Variants in INVS observed in about 807,000 individuals in gnomAD.
INVS encodes inversin.
A neutral mutation model predicts 108.8 loss-of-function variants in INVS; 86 were observed. The ratio of observed to expected loss-of-function variants is 0.79; its 90% CI spans 0.66 to 0.95. The LOEUF is 0.95. INVS is among the 40% of genes least tolerant of loss of function. INVS has a pLI of 0.00. For synonymous variants in INVS, 455 were observed against 473.5 expected (o/e 0.96, Z 0.51); for missense variants, 1,169 against 1,297.4 (o/e 0.90, Z 1.52).
At chr9:100,284,266 G>C in intron 12 of INVS, 54 bp from the exon 13 acceptor site, 3 of 1,600,362 alleles carry the variant, frequency 1.9e-6, no homozygotes, top group Non-Finnish European at 2.6e-6. Context: ...ACAGAGACTT[G>C]AGGAGGTGAT....
At chr9:100,155,485 C>A (rs757144120) in intron 3 of INVS, among the ~76,000 whole-genome samples, 1 of 152,014 alleles carries the variant, frequency 6.6e-6, no homozygotes, top group South Asian at 2.1e-4. Context: ...TACAGGCACG[C>A]ACCACCATGC....
At chr9:100,173,045 G>A (rs1255509971) in intron 3 of INVS, among the ~76,000 whole-genome samples, 1 of 152,126 alleles carries the variant, frequency 6.6e-6, no homozygotes, top group African/African-American at 2.4e-5. Flanking sequence ...GAAGGATGAA[G>A]ATGATTGAGA....
intron 3 of INVS, among the ~76,000 whole-genome samples, chr9:100,167,710 T>C (rs532175487): frequency 4.6e-5 from 7 of 152,344 alleles, no homozygotes; most frequent in Admixed American, 3.9e-4. Context: ...GGTTTTATTT[T>C]TGGTCTGTTT....
intron 1 of INVS, among the ~76,000 whole-genome samples, chr9:100,101,085 C>T (rs531981997): frequency 1.3e-3 from 164 of 123,360 alleles, no homozygotes; most frequent in African/African-American, 5.1e-3. Context: ...CACACACACA[C>T]ATATATATAA....
intron 3 of INVS, among the ~76,000 whole-genome samples, chr9:100,165,229 A>C (rs57397295): frequency 0.21 from 31,921 of 151,920 alleles, 5,703 homozygotes; most frequent in African/African-American, 0.49. Context: ...CACCTCAAGC[A>C]TTTATCATTT....
chr9:100,162,545 C>T (rs1035755368), intron 3 of INVS, among the ~76,000 whole-genome samples: 4 of 152,136 alleles, frequency 2.6e-5, no homozygotes, highest in African/African-American at 9.7e-5. Flanking sequence ...ATCAAATACC[C>T]GTATCTTGTT....
chr9:100,231,199 A>G (rs988008534), intron 5 of INVS, among the ~76,000 whole-genome samples: 9 of 152,180 alleles, frequency 5.9e-5, no homozygotes, highest in African/African-American at 2.2e-4. Context: ...TGTTTTTAAC[A>G]CACAAATTAG....
rs140990299 is a variant in INVS, at chr9:100,199,657, G to A, written c.274-26405G>A. On this transcript the variant is annotated intron_variant, in intron 3 of 16. Transcript: ENST00000262457. Reference sequence around the variant, plus strand: ...ATTTTATTGTTTTCTGGTAGCCATCGGTTCCGATGAGAAGTACACCATCAT... The same window carrying A: ...ATTTTATTGTTTTCTGGTAGCCATCAGTTCCGATGAGAAGTACACCATCAT... Among the ~76,000 whole-genome samples, 243 of 152,220 alleles carry A rather than the reference G, an allele frequency of 1.6e-3. 4 individuals are homozygous for A. In the East Asian group the frequency reaches 0.038, roughly 24 times the overall value.
At chr9:100,273,106 C>G in intron 12 of INVS, 30 bp downstream of exon 12, 1 of 1,581,596 alleles carries the variant, frequency 6.3e-7, no homozygotes, top group Non-Finnish European at 8.7e-7. Context: ...ATTGCGTTTT[C>G]GCCACCCAGA....
intron 5 of INVS, among the ~76,000 whole-genome samples, chr9:100,235,192 C>CT (rs546186347): frequency 2.1e-4 from 31 of 146,564 alleles, no homozygotes; most frequent in Admixed American, 3.4e-4. Flanking sequence ...GCAACCCCTG[C>CT]TTTTTTTTTT....
intron 2 of INVS, among the ~76,000 whole-genome samples, chr9:100,119,707 G>C (rs1033711833): frequency 2.0e-5 from 3 of 152,100 alleles, no homozygotes; most frequent in Non-Finnish European, 4.4e-5. Context: ...ACAGGCGCCC[G>C]CCACCACACC....
intron 1 of INVS, among the ~76,000 whole-genome samples, chr9:100,100,811 A>AC (rs1554712500): frequency 7.6e-5 from 1 of 13,214 alleles, no homozygotes; most frequent in Non-Finnish European, 1.1e-4. Context: ...ATGTATATAT[A>AC]ATATATATAA....
intron 3 of INVS, chr9:100,130,244 A>G (rs1464779288): frequency 6.6e-6 from 1 of 152,178 alleles, no homozygotes; most frequent in Non-Finnish European, 1.5e-5. Context: ...TTGTACTACG[A>G]ACTCCCTATG....
At chr9:100,160,025 T>C (rs10988989) in intron 3 of INVS, among the ~76,000 whole-genome samples, 31,937 of 152,090 alleles carry the variant, frequency 0.21, 5,698 homozygotes, top group African/African-American at 0.49. Flanking sequence ...AAATGATTGC[T>C]GTAAAATTAT....
At chr9:100,253,926 T>C (rs967707689) in intron 10 of INVS, among the ~76,000 whole-genome samples, 6 of 152,252 alleles carry the variant, frequency 3.9e-5, no homozygotes, top group African/African-American at 1.4e-4. Flanking sequence ...TTTGGGTATA[T>C]GCCCAGTAAT....
chr9:100,183,310 A>G (rs999525870), intron 3 of INVS, among the ~76,000 whole-genome samples: 1 of 152,210 alleles, frequency 6.6e-6, no homozygotes, highest in Non-Finnish European at 1.5e-5. Context: ...ATAGTAAAGC[A>G]TGAATACAGG....
chr9:100,126,488 G>A lies in INVS; in HGVS notation c.212G>A (p.Gly71Glu), dbSNP rs1827888466. 6.2e-7 allele frequency: 1 copy of A among 1,614,158 alleles called. No homozygotes were observed. The highest frequency in any genetic ancestry group is 8.5e-7 in the Non-Finnish European group (1 of 1,180,018). The change falls in exon 3 of 17, where the codon GGA becomes GAA. Residue 71 changes from glycine to glutamate, a missense_variant. Gly to Glu is a moderately conservative substitution (Grantham distance 98, BLOSUM62 -2). Coordinates refer to ENST00000262457, the MANE Select transcript of INVS (RefSeq NM_014425.5). Reference sequence around the variant, plus strand: ...TGTGCAGATGCTCTTCTGAAGGCAGGAGCAGATGTGAATAAAACTGACCAT... The same window carrying A: ...TGTGCAGATGCTCTTCTGAAGGCAGAAGCAGATGTGAATAAAACTGACCAT... ...LDCADALLKA[G>E]ADVNKTDHSQ...
rs756240867 is a variant in INVS, at chr9:100,292,585, C to G, written c.2328C>G (p.Pro776=). 1.2e-6 allele frequency: 2 copies of G among 1,614,154 alleles called. No individual in the cohort carries two copies. Among genetic ancestry groups the G allele is most frequent in the African/African-American group, 1.3e-5 (1 of 75,032 alleles). ...SLPPHDSHWK[P]SRRHDTEPKA... ...CACCGCACGATAGCCACTGGAAGCC[C>G]AGCAGGCGGCATGACACAGAACCCA... The change falls in exon 14 of 17, where the codon CCC becomes CCG. Residue 776 remains proline, a synonymous_variant. Transcript: ENST00000262457.
At chr9:100,124,187 T>G (rs1028274426) in intron 2 of INVS, among the ~76,000 whole-genome samples, 1 of 148,764 alleles carries the variant, frequency 6.7e-6, no homozygotes, top group Non-Finnish European at 1.5e-5. Context: ...AGTGTGTGTG[T>G]GTGTGTGTGT....
Sources: allele counts gnomAD v4.1 joint callset (sites outside exome capture counted in the v4.1 genomes callset), GRCh38; gene constraint gnomAD v4.1.1; transcripts MANE v1.5; gene names NCBI Gene and HGNC (gene_info 2026-07-23, HGNC 2026-07-21).